Variants in RSRP1 observed in about 807,000 individuals in gnomAD.
The protein encoded by RSRP1 is arginine/serine-rich protein 1.
A neutral mutation model predicts 33.0 loss-of-function variants in RSRP1; 37 were observed. The ratio of observed to expected loss-of-function variants is 1.12; its 90% confidence interval spans 0.86 to 1.48. The LOEUF (loss-of-function observed/expected upper bound fraction) is 1.48. RSRP1 is among the 40% of genes most tolerant of loss of function. The probability of loss-of-function intolerance (pLI) is 0.00; values close to 1 mark genes in which losing one functional copy is unlikely to be tolerated. For synonymous variants in RSRP1, 167 were observed against 158.7 expected (o/e 1.05, Z -0.40); for missense variants, 402 against 385.3 (o/e 1.04, Z -0.36).
upstream of RSRP1, among the ~76,000 whole-genome samples, chr1:25,248,656 G>T (rs1218717863): frequency 6.6e-6 from 1 of 152,108 alleles, no homozygotes; most frequent in Non-Finnish European, 1.5e-5. Flanking sequence ...ACTTTCTTTA[G>T]AGGGAGACAC....
rs1479313359 is a variant in RSRP1 at position 25,282,424 on chromosome 1, G to A, written c.-66-35395C>T. Among the ~76,000 whole-genome samples, 3 of 130,344 alleles carry A rather than the reference G, an allele frequency of 2.3e-5. 1 individual carries two copies. The highest frequency in any genetic ancestry group is 5.4e-5 in the Non-Finnish European group (3 of 55,142). The allele number at this position is 130,344 out of a possible 152,430, so 85.5% of individuals were successfully genotyped here. A position where few individuals can be genotyped will look rare whatever the true frequency, so the allele number is the denominator to read the frequency against. On this transcript the variant is annotated intron_variant, in intron 1 of 1. Transcript: ENST00000561867. ...ATTTTTTTGTAATTTTAGTAGAGAC[G>A]GGGTTTCACCATGTTGGCCAGGCTA...
rs1242630813 is a variant in RSRP1, at chr1:25,313,094, T to C, written c.-67+24884A>G. 4.7e-5 allele frequency among the ~76,000 whole-genome samples: 6 copies of C among 127,794 alleles called. 2 individuals carry two copies. The highest frequency in any genetic ancestry group is 1.6e-4 in the African/African-American group (6 of 37,768). The allele number at this position is 127,794 out of a possible 152,430, so 83.8% of individuals were successfully genotyped here. A position where few individuals can be genotyped will look rare whatever the true frequency, so the allele number is the denominator to read the frequency against. On this transcript the variant is annotated intron_variant, in intron 1 of 1. Coordinates refer to the RSRP1 transcript ENST00000561867. ...TCTCCAAATTCATATGTTGATGAAA[T>C]TGGAGGTGAAGCCTTTGGGAGGTAA...
rs75145965 is a variant in RSRP1, at chr1:25,320,691, T to G, written c.-67+17287A>C. ...CATTCCATGTGTCCTGTGAAATTCA[T>G]CCAACTTCAGGAAGCTGGAGGAATA... On this transcript the variant is annotated intron_variant, in intron 1 of 1. Coordinates refer to the RSRP1 transcript ENST00000561867. Among the ~76,000 whole-genome samples, 5 of 132,300 alleles carry G rather than the reference T, an allele frequency of 3.8e-5. 2 individuals are homozygous for G. Among genetic ancestry groups the G allele is most frequent in the Non-Finnish European group, 9.0e-5 (5 of 55,824 alleles). The allele number at this position is 132,300 out of a possible 152,430, so 86.8% of individuals were successfully genotyped here. A position where few individuals can be genotyped will look rare whatever the true frequency, so the allele number is the denominator to read the frequency against.
chr1:25,260,729 C>T (rs1440771575), intron 1 of RSRP1, among the ~76,000 whole-genome samples: 4 of 151,772 alleles, frequency 2.6e-5, no homozygotes, highest in African/African-American at 9.7e-5. Context: ...CCCTGTCTTG[C>T]AGATGGCTGC....
chr1:25,291,798 G>C (rs1169139190), intron 1 of RSRP1, among the ~76,000 whole-genome samples: 1 of 132,404 alleles, frequency 7.6e-6, no homozygotes, highest in African/African-American at 2.6e-5. Context: ...TGAAGGTAAG[G>C]CCAATCCAAA....
intron 3 of RSRP1, chr1:25,244,749 ATCTT>A: frequency 9.0e-7 from 1 of 1,114,122 alleles, no homozygotes; most frequent in Non-Finnish European, 1.1e-6. Context: ...CAATGGTGCC[ATCTT>A]GGCTCACTGC....
chr1:25,314,770 C>G (rs1644349045), intron 1 of RSRP1, among the ~76,000 whole-genome samples: 1 of 132,362 alleles, frequency 7.6e-6, no homozygotes, highest in Admixed American at 7.3e-5. Flanking sequence ...TCCCAAAGTG[C>G]CAGGATTACA....
chr1:25,281,061 A>G (rs1641452549), intron 1 of RSRP1, among the ~76,000 whole-genome samples: 1 of 132,362 alleles, frequency 7.6e-6, no homozygotes, highest in African/African-American at 2.6e-5. Context: ...TGTGTTACAG[A>G]CAGGGAAACT....
intron 1 of RSRP1, among the ~76,000 whole-genome samples, chr1:25,281,277 A>C (rs1191932156): frequency 1.6e-5 from 2 of 128,540 alleles, no homozygotes; most frequent in Non-Finnish European, 1.8e-5. Flanking sequence ...AGCTTTCATA[A>C]ACTTTTCCTG....
chr1:25,299,474 C>T (rs1331243052), intron 1 of RSRP1, among the ~76,000 whole-genome samples: 1 of 131,406 alleles, frequency 7.6e-6, no homozygotes, highest in African/African-American at 2.6e-5. Context: ...CAAGGCACCC[C>T]GATTGCTTGC....
Position 25,290,215 on chromosome 1 carries a change from T to C in RSRP1, c.-66-43186A>G, listed in dbSNP as rs1290446407. Among the ~76,000 whole-genome samples the C allele has an allele frequency of 1.2e-3, 160 of 128,440 alleles. 8 individuals carry two copies. Among genetic ancestry groups the C allele is most frequent in the African/African-American group, 3.3e-3 (120 of 36,910 alleles). The allele number at this position is 128,440 out of a possible 152,430, so 84.3% of individuals were successfully genotyped here. Reference sequence around the variant, plus strand: ...CCCAGATGGGGATGGGGTGACTGGATGTGGGCAGGCCTGCGGGGGAAGAGT... The same window carrying C: ...CCCAGATGGGGATGGGGTGACTGGACGTGGGCAGGCCTGCGGGGGAAGAGT... On this transcript the variant is annotated intron_variant, in intron 1 of 1. Coordinates refer to the RSRP1 transcript ENST00000561867.
Position 25,299,072 on chromosome 1 carries a change from TAAAAAAAAA to T in RSRP1, c.-67+38897_-67+38905del, listed in dbSNP as rs34867414. Reference sequence around the variant, plus strand: ...GTTTAGAATTGTCAGCACATGGTGATAAAAAAAAAAAAAAAAAAAAAAAAACAGGCTGGG... The same window carrying T: ...GTTTAGAATTGTCAGCACATGGTGATAAAAAAAAAAAAAAAACAGGCTGGG... On this transcript the variant is annotated intron_variant, in intron 1 of 1. Transcript: ENST00000561867. Among the ~76,000 whole-genome samples the T allele has an allele frequency of 1.1e-3, 46 of 40,868 alleles. 2 individuals carry two copies. The highest frequency in any genetic ancestry group is 3.4e-3 in the African/African-American group (44 of 12,838). 26.8% of individuals were successfully genotyped at this position (40,868 alleles called of 152,430 possible).
intron 1 of RSRP1, chr1:25,301,461 A>T: frequency 7.6e-7 from 1 of 1,321,152 alleles, no homozygotes; most frequent in Non-Finnish European, 1.1e-6. Context: ...AAACCCCTCG[A>T]GGCTCAGACC....
At chr1:25,260,093 C>T (rs1640084044) in intron 1 of RSRP1, among the ~76,000 whole-genome samples, 1 of 152,194 alleles carries the variant, frequency 6.6e-6, no homozygotes, top group South Asian at 2.1e-4. Flanking sequence ...TTCTTAGGCA[C>T]TTCTTAACAG....
chr1:25,333,206 C>T (rs1369604090), intron 1 of RSRP1, among the ~76,000 whole-genome samples: 3 of 132,204 alleles, frequency 2.3e-5, no homozygotes, highest in Non-Finnish European at 5.4e-5. Flanking sequence ...CCCATTCAGT[C>T]ATATATCAAT....
chr1:25,259,906 A>C (rs1478327381), intron 1 of RSRP1, among the ~76,000 whole-genome samples: 7 of 151,998 alleles, frequency 4.6e-5, no homozygotes, highest in Non-Finnish European at 8.8e-5. Context: ...CAAGGGGAGA[A>C]CCTGGTTGCA....
chr1:25,318,530 G>T (rs1224216284), intron 1 of RSRP1, among the ~76,000 whole-genome samples: 2 of 131,762 alleles, frequency 1.5e-5, no homozygotes, highest in Non-Finnish European at 3.6e-5. Context: ...GGAGGTTATA[G>T]TGAGTCGAGG....
At position 25,331,557 on chromosome 1, in the gene RSRP1, A is replaced by T. The variant is rs1645006513; in HGVS notation, c.-67+6421T>A. 2.8e-5 allele frequency among the ~76,000 whole-genome samples: 3 copies of T among 108,874 alleles called. No homozygotes were observed. The Admixed American group carries it at 3.3e-4, about 12-fold the overall frequency. The allele number at this position is 108,874 out of a possible 152,430, so 71.4% of individuals were successfully genotyped here. On this transcript the variant is annotated intron_variant, in intron 1 of 1. Coordinates refer to the RSRP1 transcript ENST00000561867. ...TATCACAAAGACTTTGCTCTGAGAA[A>T]AATGTGATTTTTTTTTTTTTTTTTT...
chr1:25,275,416 G>C (rs1283637569), intron 1 of RSRP1, among the ~76,000 whole-genome samples: 2 of 132,332 alleles, frequency 1.5e-5, no homozygotes, highest in Non-Finnish European at 3.6e-5. Flanking sequence ...GTTTGGGTTT[G>C]GGTCATGGAG....
Sources: gnomAD v4.1 joint callset for allele counts (sites outside exome capture counted in the v4.1 genomes callset) on GRCh38, gnomAD v4.1.1 for gene constraint, MANE v1.5 for transcripts, NCBI Gene and HGNC (gene_info 2026-07-23, HGNC 2026-07-21) for gene names.